The following SLC41A2 variants were observed in gnomAD, a reference collection of about 807,000 sequenced individuals.
The protein encoded by SLC41A2 is SLC41A1-like 1.
In SLC41A2, 32 loss-of-function variants were observed where a neutral mutation model predicts 58.3. The observed-to-expected ratio is 0.55, with a 90% CI of 0.41 to 0.74. The LOEUF (loss-of-function observed/expected upper bound fraction) is 0.74. Ranked by LOEUF, SLC41A2 falls within the 30% of genes least tolerant of loss-of-function variation. SLC41A2 has a pLI of 0.00. For synonymous variants in SLC41A2, 190 were observed against 235.0 expected (o/e 0.81, Z 1.75); for missense variants, 514 against 680.6 (o/e 0.76, Z 2.72).
intron 1 of SLC41A2, among the ~76,000 whole-genome samples, chr12:104,951,122 G>A (rs2047934447): frequency 6.6e-6 from 1 of 152,060 alleles, no homozygotes; most frequent in African/African-American, 2.4e-5. Flanking sequence ...TTTTTCAAAT[G>A]GATTCCCATA....
rs541939544 is a variant in SLC41A2, at chr12:104,955,756, G to T, written c.-168+2332C>A. On this transcript the variant is annotated intron_variant, in intron 1 of 10. Transcript: ENST00000258538. The stretch of plus-strand genomic sequence containing the variant: ...GAGGTAACATCAGGTCTTTTTAGTG[G>T]TTTTTTTTTTTTTGGCCATGAAAGA... 2.9e-3 allele frequency among the ~76,000 whole-genome samples: 426 copies of T among 144,840 alleles called. 3 individuals are homozygous for T. The highest frequency in any genetic ancestry group is 5.2e-3 in the Non-Finnish European group (343 of 65,718).
intron 6 of SLC41A2, among the ~76,000 whole-genome samples, chr12:104,885,317 C>G (rs2044602811): frequency 6.6e-6 from 1 of 152,174 alleles, no homozygotes; most frequent in Non-Finnish European, 1.5e-5. Context: ...ATTTTATATG[C>G]TAAGTGAAGC....
At chr12:104,876,769 T>C (rs1411913676) in intron 6 of SLC41A2, among the ~76,000 whole-genome samples, 1 of 152,186 alleles carries the variant, frequency 6.6e-6, no homozygotes, top group South Asian at 2.1e-4. Context: ...TTGGATGGAA[T>C]GTTTTGTACA....
chr12:104,809,752 AAAT>A (rs780475102), intron 10 of SLC41A2, among the ~76,000 whole-genome samples: 6 of 152,136 alleles, frequency 3.9e-5, no homozygotes, highest in Non-Finnish European at 8.8e-5. Context: ...ACTTACTTCG[AAAT>A]AATAAGAGCC....
chr12:104,874,739 A>AT (rs2135564699), intron 6 of SLC41A2, among the ~76,000 whole-genome samples: 2 of 152,206 alleles, frequency 1.3e-5, no homozygotes, highest in Admixed American at 1.3e-4. Context: ...TACTGCTTTG[A>AT]TTACTATAGC....
At chr12:104,919,855 G>T (rs1345034680) in intron 2 of SLC41A2, among the ~76,000 whole-genome samples, 1 of 151,894 alleles carries the variant, frequency 6.6e-6, no homozygotes, top group Non-Finnish European at 1.5e-5. Context: ...TTCTTTTTAT[G>T]GATCATGTTT....
intron 10 of SLC41A2, among the ~76,000 whole-genome samples, chr12:104,839,569 T>A (rs937247523): frequency 3.3e-5 from 5 of 151,868 alleles, no homozygotes; most frequent in African/African-American, 1.2e-4. Context: ...AGTGGTGTGA[T>A]CTTGGCTCAC....
chr12:104,866,696 C>T, intron 6 of SLC41A2, 117 bp from the exon 7 acceptor site: 1 of 766,794 alleles, frequency 1.3e-6, no homozygotes, highest in South Asian at 3.5e-5. Flanking sequence ...TATTAACATG[C>T]TATACATTTT....
chr12:104,876,082 G>A (rs1404989012), intron 6 of SLC41A2, among the ~76,000 whole-genome samples: 3 of 152,012 alleles, frequency 2.0e-5, no homozygotes, highest in Non-Finnish European at 4.4e-5. Context: ...GCTTAAAATT[G>A]TTCAATCGTC....
chr12:104,906,258 A>G (rs746920692), intron 3 of SLC41A2, among the ~76,000 whole-genome samples: 1 of 152,164 alleles, frequency 6.6e-6, no homozygotes, highest in Non-Finnish European at 1.5e-5. Context: ...ATCTTAGACT[A>G]TATGCTCCAG....
chr12:104,938,464 C>T (rs559070384), intron 1 of SLC41A2, among the ~76,000 whole-genome samples: 13 of 152,352 alleles, frequency 8.5e-5, no homozygotes, highest in Admixed American at 3.9e-4. Context: ...TCTACTTCCT[C>T]ATCTCCATTA....
chr12:104,844,531 C>A lies in SLC41A2; in HGVS notation c.1477G>T (p.Gly493Cys). Residue 493 changes from glycine to cysteine, a missense_variant, in exon 10 of 11, where the codon GGT (glycine) becomes TGT (cysteine). Coordinates refer to ENST00000258538, the MANE Select transcript of SLC41A2 (RefSeq NM_001352171.3). ...FLYTIHLMKSGHTSLTIIFIV... is the reference protein window; with the variant it reads ...FLYTIHLMKSCHTSLTIIFIV... ...AAGATTATAGTTAAAGAAGTATGAC[C>A]ACTTTTCATCAAATGAATAGTGTAG... The A allele has an allele frequency of 6.4e-7, 1 of 1,569,538 alleles. No homozygotes were observed. The highest frequency in any genetic ancestry group is 1.2e-5 in the South Asian group (1 of 81,158).
At chr12:104,888,585 G>A (rs1417544442) in intron 5 of SLC41A2, among the ~76,000 whole-genome samples, 1 of 152,018 alleles carries the variant, frequency 6.6e-6, no homozygotes, top group East Asian at 1.9e-4. Flanking sequence ...TATTTGTATT[G>A]CCACAGAAAC....
Position 104,824,618 on chromosome 12 carries a change from T to G in SLC41A2, c.1537-19281A>C, listed in dbSNP as rs545019710. 4.8e-4 allele frequency among the ~76,000 whole-genome samples: 73 copies of G among 150,698 alleles called. 1 individual carries two copies. The highest frequency in any genetic ancestry group is 2.1e-4 in the Non-Finnish European group (14 of 67,470). On this transcript the variant is annotated intron_variant, in intron 10 of 10. Transcript: ENST00000258538. ...CTCTGTCCTTGCGATAAGGCAGGAG[T>G]CTAATTGAGCTAGCACAAGCTGCCT... is the stretch of plus-strand genomic sequence containing the variant.
At chr12:104,911,815 C>G (rs2046098371) in intron 2 of SLC41A2, among the ~76,000 whole-genome samples, 1 of 73,366 alleles carries the variant, frequency 1.4e-5, no homozygotes, top group African/African-American at 8.4e-5. Flanking sequence ...TAAGAAAGCA[C>G]TGGGTGGGGG....
intron 6 of SLC41A2, among the ~76,000 whole-genome samples, chr12:104,875,936 T>C (rs1336613908): frequency 6.6e-6 from 1 of 152,222 alleles, no homozygotes; most frequent in African/African-American, 2.4e-5. Context: ...TTTTCTTTGT[T>C]GGGAGGATTT....
At chr12:104,948,424 C>CTATCT (rs151203568) in intron 1 of SLC41A2, among the ~76,000 whole-genome samples, 5,800 of 152,236 alleles carry the variant, frequency 0.038, 151 homozygotes, top group East Asian at 0.1. Context: ...GAAAGGAGAT[C>CTATCT]ACCCATTCTA....
intron 1 of SLC41A2, among the ~76,000 whole-genome samples, chr12:104,932,029 C>G (rs574272104): frequency 6.6e-6 from 1 of 152,256 alleles, no homozygotes; most frequent in African/African-American, 2.4e-5. Context: ...GACCTTGATA[C>G]AAGTATATGC....
Position 104,845,948 on chromosome 12 carries a change from G to A in SLC41A2, c.1282C>T (p.Gln428Ter). ...NGIGGNLVAI[Q>*]ASRISTYLHL... ...AGGTAGGTAGAAATCCTGCTAGCCTGAATGGCCACCAAATTACCACCAATA... is the reference window on the plus strand; with the variant it reads ...AGGTAGGTAGAAATCCTGCTAGCCTAAATGGCCACCAAATTACCACCAATA... The change falls in exon 9 of 11, where the codon CAG (glutamine) becomes TAG (stop). Residue 428 changes from glutamine to a stop codon, truncating the protein, a stop_gained. Transcript: ENST00000258538. LOFTEE classifies it high-confidence loss of function. 6.2e-7 allele frequency: 1 copy of A among 1,613,366 alleles called. No individual in the cohort carries two copies. The highest frequency in any genetic ancestry group is 8.5e-7 in the Non-Finnish European group (1 of 1,179,548).
Sources: gnomAD v4.1 joint callset for allele counts (sites outside exome capture counted in the v4.1 genomes callset) on GRCh38, gnomAD v4.1.1 for gene constraint, MANE v1.5 for transcripts, NCBI Gene and HGNC (gene_info 2026-07-23, HGNC 2026-07-21) for gene names.